SEC22C: variants seen among roughly 807,000 people sequenced by gnomAD.
SEC22C encodes the protein SEC22 homolog C, vesicle trafficking protein, also known as vesicle-trafficking protein SEC22c.
In SEC22C, 29 loss-of-function variants were observed where a neutral mutation model predicts 34.7. The ratio of observed to expected loss-of-function variants is 0.84; its 90% CI spans 0.62 to 1.14. The LOEUF is 1.14. SEC22C is among the 50% of genes most tolerant of loss of function. SEC22C has a pLI of 0.00. For missense variants in SEC22C, 337 were observed against 369.0 expected (o/e 0.91, Z 0.71); for synonymous variants, 117 against 132.8 (o/e 0.88, Z 0.82).
rs1449385892 is a variant in SEC22C at position 42,550,621 on chromosome 3, A to G, written c.*2627T>C. ...TTTTCCCTTTTGTTTGCAAAAGTCA[A>G]TCTCACCCCATGTAGATGTTAACTG... On this transcript the variant is annotated 3_prime_UTR_variant, in exon 7 of 7. Coordinates refer to ENST00000264454, the MANE Select transcript of SEC22C (RefSeq NM_032970.4). 66 of 984,678 alleles carry G rather than the reference A, an allele frequency of 6.7e-5. No individual in the cohort carries two copies. The South Asian group carries it at 2.6e-3, about 39-fold the overall frequency. 61.0% of individuals were successfully genotyped at this position (984,678 alleles called of 1,614,324 possible).
rs1702080642 is a variant in SEC22C at position 42,548,117 on chromosome 3, C to A, written c.*5131G>T. The A allele has an allele frequency of 6.5e-6, 1 of 153,990 alleles. No homozygotes were observed. Among genetic ancestry groups the A allele is most frequent in the South Asian group, 2.0e-4 (1 of 4,936 alleles). The allele number at this position is 153,990 out of a possible 1,614,324, so 9.5% of individuals were successfully genotyped here. ...TGTTAAAATGTACCCATTATTTACT[C>A]AAAATATTTATTGTTACAAGAAAAC... On this transcript the variant is annotated 3_prime_UTR_variant, in exon 7 of 7. Transcript: ENST00000264454.
chr3:42,577,752 C>T (rs1437854908), intron 1 of SEC22C, among the ~76,000 whole-genome samples: 1 of 152,100 alleles, frequency 6.6e-6, no homozygotes, highest in Non-Finnish European at 1.5e-5. Flanking sequence ...AGTGGATCAC[C>T]TGAGGTTAAG....
chr3:42,550,254 A>G lies in SEC22C; in HGVS notation c.*2994T>C, dbSNP rs894791673. 1.0e-6 allele frequency: 1 copy of G among 985,344 alleles called. No individual in the cohort carries two copies. The highest frequency in any genetic ancestry group is 1.7e-5 in the African/African-American group (1 of 57,244). 61.0% of individuals were successfully genotyped at this position (985,344 alleles called of 1,614,324 possible). On this transcript the variant is annotated 3_prime_UTR_variant, in exon 7 of 7. Coordinates refer to ENST00000264454, the MANE Select transcript of SEC22C (RefSeq NM_032970.4). Reference sequence around the variant, plus strand: ...AAAGTTTTGTTTTCAACATTATTTCATCTATTCCCAGATCTAGTCCAGTGA... The same window carrying G: ...AAAGTTTTGTTTTCAACATTATTTCGTCTATTCCCAGATCTAGTCCAGTGA...
At chr3:42,587,095 C>G (rs138249291) in intron 1 of SEC22C, among the ~76,000 whole-genome samples, 2 of 152,208 alleles carry the variant, frequency 1.3e-5, no homozygotes, top group Non-Finnish European at 2.9e-5. Flanking sequence ...CTATCTCTGG[C>G]CTGCATGCTT....
chr3:42,551,188 C>T lies in SEC22C; in HGVS notation c.*2060G>A. 1.0e-6 allele frequency: 1 copy of T among 985,390 alleles called. No individual in the cohort carries two copies. Among genetic ancestry groups the T allele is most frequent in the Non-Finnish European group, 1.2e-6 (1 of 829,920 alleles). 61.0% of individuals were successfully genotyped at this position (985,390 alleles called of 1,614,324 possible). On this transcript the variant is annotated 3_prime_UTR_variant, in exon 7 of 7. Coordinates refer to ENST00000264454, the MANE Select transcript of SEC22C (RefSeq NM_032970.4). ...TCATTTAAAACATTTTACCTCCCCT[C>T]CTTAACTTCCCATTCTATTTCACCA...
upstream of SEC22C, among the ~76,000 whole-genome samples, chr3:42,584,621 A>G (rs1704550657): frequency 6.6e-6 from 1 of 152,228 alleles, no homozygotes; most frequent in African/African-American, 2.4e-5. Flanking sequence ...ACATAGCCAG[A>G]GAAAAATTAC....
chr3:42,554,092 G>T (rs1286062993), intron 6 of SEC22C, among the ~76,000 whole-genome samples: 3 of 144,746 alleles, frequency 2.1e-5, no homozygotes, highest in Middle Eastern at 3.2e-3. Context: ...TCAATGCTTT[G>T]TTTTTTTTTT....
At chr3:42,575,170 G>A (rs1322164878) in intron 1 of SEC22C, among the ~76,000 whole-genome samples, 2 of 152,104 alleles carry the variant, frequency 1.3e-5, no homozygotes, top group Non-Finnish European at 2.9e-5. Context: ...ATTTTAAAAT[G>A]TTCAAATTAC....
At chr3:42,585,108 T>C (rs889588616), upstream of SEC22C, among the ~76,000 whole-genome samples, 11 of 152,036 alleles carry the variant, frequency 7.2e-5, no homozygotes, top group Non-Finnish European at 1.6e-4. Flanking sequence ...CAGCCTGACC[T>C]ACAAGAGCGA....
chr3:42,588,570 A>T (rs2125738024), intron 1 of SEC22C, among the ~76,000 whole-genome samples: 1 of 152,342 alleles, frequency 6.6e-6, no homozygotes, highest in South Asian at 2.1e-4. Flanking sequence ...GCATTATGTT[A>T]TATAGTATTA....
intron 1 of SEC22C, chr3:42,590,723 C>A: frequency 1.4e-6 from 1 of 706,588 alleles, no homozygotes. Flanking sequence ...CCCCGGCGTT[C>A]TGGGGGCTGG....
chr3:42,575,126 G>A (rs1228941797), intron 1 of SEC22C, among the ~76,000 whole-genome samples: 1 of 152,176 alleles, frequency 6.6e-6, no homozygotes, highest in East Asian at 1.9e-4. Flanking sequence ...GGGATTACAG[G>A]CATGAGCCAC....
intron 3 of SEC22C, among the ~76,000 whole-genome samples, chr3:42,561,737 G>A (rs189500254): frequency 9.9e-5 from 15 of 152,276 alleles, no homozygotes; most frequent in East Asian, 3.9e-4. Context: ...TCTGAAAAGC[G>A]TCAAGTTAAA....
chr3:42,594,899 A>C (rs1241261503), intron 1 of SEC22C: 1 of 158,094 alleles, frequency 6.3e-6, no homozygotes, highest in Non-Finnish European at 1.4e-5. Flanking sequence ...CTAAATGGAC[A>C]TGTAACTGTG....
chr3:42,553,071 G>A lies in SEC22C; in HGVS notation c.*177C>T. 7.0e-7 allele frequency: 1 copy of A among 1,434,706 alleles called. No homozygotes were observed. Among genetic ancestry groups the A allele is most frequent in the Non-Finnish European group, 9.1e-7 (1 of 1,101,028 alleles). The allele number at this position is 1,434,706 out of a possible 1,614,324, so 88.9% of individuals were successfully genotyped here. ...TAATGCTTGGCACAGAACCAAGGCT[G>A]GGTATCAAGCAACCTCATGACTTCC... On this transcript the variant is annotated 3_prime_UTR_variant, in exon 7 of 7. Coordinates refer to ENST00000264454, the MANE Select transcript of SEC22C (RefSeq NM_032970.4).
chr3:42,570,977 G>A (rs1479353601), intron 1 of SEC22C, among the ~76,000 whole-genome samples: 2 of 152,100 alleles, frequency 1.3e-5, no homozygotes, highest in Admixed American at 1.3e-4. Context: ...AACAGTTAGA[G>A]ACAGGACAGA....
chr3:42,581,798 C>G (rs1405106142), intron 1 of SEC22C, 48 bp downstream of exon 1: 3 of 152,410 alleles, frequency 2.0e-5, no homozygotes, highest in Non-Finnish European at 4.4e-5. Flanking sequence ...AACCCGCCTG[C>G]TCTTGGCTAA....
chr3:42,577,256 G>T (rs1285627311), intron 1 of SEC22C, among the ~76,000 whole-genome samples: 3 of 152,082 alleles, frequency 2.0e-5, no homozygotes, highest in Admixed American at 2.0e-4. Context: ...CGGAAAACTG[G>T]ACTGCAACAA....
rs773396306 is a variant in SEC22C, at chr3:42,563,663, G to A, written c.206C>T (p.Ala69Val). ...SIHFSSFGDV[A>V]CMAICSCQCP... Reference sequence around the variant, plus strand: ...CTGGCAGGAGCAGATAGCCATGCAGGCCACGTCCCCGAAAGAAGAAAAACT... The same window carrying A: ...CTGGCAGGAGCAGATAGCCATGCAGACCACGTCCCCGAAAGAAGAAAAACT... Residue 69 changes from alanine to valine, a missense_variant, in exon 3 of 7, where the codon GCC becomes GTC. By Grantham distance (64) the Ala-to-Val change is moderately conservative. Coordinates refer to ENST00000264454, the MANE Select transcript of SEC22C (RefSeq NM_032970.4). 1 of 1,614,038 alleles carries A rather than the reference G, an allele frequency of 6.2e-7. No homozygotes were observed. Among genetic ancestry groups the A allele is most frequent in the East Asian group, 2.2e-5 (1 of 44,882 alleles).
Sources: gnomAD v4.1 joint callset for allele counts (sites outside exome capture counted in the v4.1 genomes callset) on GRCh38, gnomAD v4.1.1 for gene constraint, MANE v1.5 for transcripts, NCBI Gene and HGNC (gene_info 2026-07-23, HGNC 2026-07-21) for gene names.